ERI1: variants seen among roughly 807,000 people sequenced by gnomAD.
ERI1 encodes the protein 3'-5' exoribonuclease 1.
ERI1 carries 39 observed loss-of-function variants against 39.7 expected under a neutral mutation model. The observed-to-expected ratio is 0.98, with a 90% CI of 0.76 to 1.28. The LOEUF (loss-of-function observed/expected upper bound fraction) is 1.28, where lower values mean the gene tolerates loss of function less well. ERI1 is among the 50% of genes most tolerant of loss of function. ERI1 has a pLI of 0.00. For synonymous variants in ERI1, 204 were observed against 149.6 expected, an observed-to-expected ratio of 1.36 and a Z score of -2.65; for missense variants, 581 against 416.9, an observed-to-expected ratio of 1.39 and a Z score of -3.43.
intron 3 of ERI1, among the ~76,000 whole-genome samples, chr8:9,068,267 CAT>C (rs1473724722): frequency 6.6e-6 from 1 of 152,224 alleles, no homozygotes; most frequent in African/African-American, 2.4e-5. Flanking sequence ...CCTCGCACCT[CAT>C]GTGGCTCTCC....
chr8:9,079,304 G>T (rs1799302317), intron 3 of ERI1, among the ~76,000 whole-genome samples: 1 of 152,222 alleles, frequency 6.6e-6, no homozygotes, highest in East Asian at 1.9e-4. Context: ...CTCCGGAGAA[G>T]AGCTTTGAGT....
chr8:9,010,287 A>G (rs924856694), intron 2 of ERI1, among the ~76,000 whole-genome samples: 4 of 152,016 alleles, frequency 2.6e-5, no homozygotes, highest in South Asian at 2.1e-4. Flanking sequence ...CTCTCCCCCT[A>G]TCACACCTCC....
chr8:9,063,636 G>A (rs1294948238), intron 3 of ERI1, among the ~76,000 whole-genome samples: 1 of 152,120 alleles, frequency 6.6e-6, no homozygotes, highest in African/African-American at 2.4e-5. Flanking sequence ...TTTGGGATGA[G>A]TTGCATGGGG....
intron 3 of ERI1, among the ~76,000 whole-genome samples, chr8:9,068,335 T>TTC (rs1025285770): frequency 6.6e-6 from 1 of 152,092 alleles, no homozygotes; most frequent in East Asian, 1.9e-4. Flanking sequence ...GAGGTTCTCT[T>TTC]TCTCTCTCTC....
At position 9,018,316 on chromosome 8, in the gene ERI1, A is replaced by T. The variant is rs751797076; in HGVS notation, c.602A>T (p.Asp201Val). 4.4e-5 allele frequency: 71 copies of T among 1,611,478 alleles called. No homozygotes were observed. The highest frequency in any genetic ancestry group is 5.4e-5 in the Non-Finnish European group (64 of 1,177,972). ...GITQDQVDRADTFPQVLKKVI... is the reference protein window; with the variant it reads ...GITQDQVDRAVTFPQVLKKVI... ...CCTCAGGATCAGGTAGACAGAGCTG[A>T]TACCTTCCCTCAGGTACTAAAAAAA... Residue 201 changes from aspartate to valine, a missense_variant, in exon 5 of 7, where the codon GAT becomes GTT. Transcript: ENST00000250263.
intron 2 of ERI1, among the ~76,000 whole-genome samples, chr8:9,010,107 AAGAATT>A (rs1398876917): frequency 1.3e-5 from 2 of 152,246 alleles, no homozygotes; most frequent in Non-Finnish European, 2.9e-5. Context: ...CCATAGCAGA[AAGAATT>A]AGAGAGAATC....
At chr8:9,083,636 TAAA>T (rs11434262) in intron 3 of ERI1, among the ~76,000 whole-genome samples, 1 of 144,980 alleles carries the variant, frequency 6.9e-6, no homozygotes. Flanking sequence ...TGGTCCATGT[TAAA>T]AAAAAAAAGC....
intron 6 of ERI1, among the ~76,000 whole-genome samples, chr8:9,023,988 G>C (rs925704295): frequency 5.3e-5 from 8 of 151,720 alleles, no homozygotes; most frequent in Admixed American, 4.6e-4. Context: ...TTTTAGTAGA[G>C]ACGGGGTTTC....
chr8:9,060,823 G>C (rs1798669456), intron 3 of ERI1, among the ~76,000 whole-genome samples: 1 of 152,190 alleles, frequency 6.6e-6, no homozygotes, highest in Non-Finnish European at 1.5e-5. Context: ...AGAGCAACGG[G>C]ATCTGATGCG....
At chr8:9,004,285 C>T (rs941357390) in intron 1 of ERI1, 1 of 1,157,050 alleles carries the variant, frequency 8.6e-7, no homozygotes, top group Non-Finnish European at 1.1e-6. Context: ...GATACGTTGT[C>T]AATCTCATCC....
chr8:9,076,803 G>T (rs1799224925), intron 3 of ERI1, among the ~76,000 whole-genome samples: 1 of 152,244 alleles, frequency 6.6e-6, no homozygotes, highest in South Asian at 2.1e-4. Flanking sequence ...GGGAAGCGGG[G>T]ATGTGTGTTC....
At chr8:9,044,530 A>C (rs1011496101) in intron 3 of ERI1, among the ~76,000 whole-genome samples, 5 of 152,138 alleles carry the variant, frequency 3.3e-5, no homozygotes, top group Non-Finnish European at 7.3e-5. Flanking sequence ...ATGATGGAGA[A>C]ATAATTACAA....
intron 3 of ERI1, among the ~76,000 whole-genome samples, chr8:9,013,495 C>T (rs1283805286): frequency 2.0e-5 from 3 of 151,970 alleles, no homozygotes; most frequent in Non-Finnish European, 2.9e-5. Context: ...TTCCCCGTAT[C>T]AGATGACCCA....
intron 3 of ERI1, among the ~76,000 whole-genome samples, chr8:9,061,112 A>G (rs948195223): frequency 2.2e-4 from 33 of 152,214 alleles, no homozygotes; most frequent in Admixed American, 9.8e-4. Context: ...CGGTAGCCTC[A>G]GTGATAGATG....
intron 3 of ERI1, among the ~76,000 whole-genome samples, chr8:9,054,967 A>C (rs960859148): frequency 2.0e-5 from 3 of 152,172 alleles, no homozygotes; most frequent in Non-Finnish European, 4.4e-5. Flanking sequence ...CACATAATAA[A>C]TAGAAATGTG....
chr8:9,011,824 A>C, intron 3 of ERI1, 72 bp downstream of exon 3: 3 of 1,157,402 alleles, frequency 2.6e-6, no homozygotes, highest in Non-Finnish European at 3.6e-6. Context: ...TATGTGGAGG[A>C]CCTCATTTGC....
chr8:9,057,303 C>T (rs1311080932), intron 3 of ERI1, among the ~76,000 whole-genome samples: 1 of 152,188 alleles, frequency 6.6e-6, no homozygotes, highest in African/African-American at 2.4e-5. Context: ...AGCCACTGTC[C>T]CTGGCTCCTG....
chr8:9,008,467 A>G (rs1816287062), intron 2 of ERI1, among the ~76,000 whole-genome samples: 1 of 152,222 alleles, frequency 6.6e-6, no homozygotes, highest in African/African-American at 2.4e-5. Context: ...TATATTAGTG[A>G]GATAGAGTAT....
At position 9,049,305 on chromosome 8, in the gene ERI1, C is replaced by T. The variant is rs907368854; in HGVS notation, n.299+28841C>T. Among the ~76,000 whole-genome samples, 5 of 131,790 alleles carry T rather than the reference C, an allele frequency of 3.8e-5. No individual in the cohort carries two copies. In the Admixed American group the frequency reaches 4.2e-4, roughly 11 times the overall value. 86.5% of individuals were successfully genotyped at this position (131,790 alleles called of 152,430 possible). On this transcript the variant is annotated intron_variant and non_coding_transcript_variant, in intron 3 of 3. Coordinates refer to the ERI1 transcript ENST00000518663. ...GAGCCGAGAGCACGCCACTGTACTC[C>T]AGCCTGGGCGACAGAGTGAGACTCC...
Sources: allele counts gnomAD v4.1 joint callset (sites outside exome capture counted in the v4.1 genomes callset), GRCh38; gene constraint gnomAD v4.1.1; transcripts MANE v1.5; gene names NCBI Gene and HGNC (gene_info 2026-07-23, HGNC 2026-07-21).